SLC9A9: variants seen among roughly 807,000 people sequenced by gnomAD.
SLC9A9 encodes sodium/hydrogen exchanger 9.
Under a neutral mutation model 77.8 loss-of-function variants are expected in SLC9A9, and 62 were observed. The observed-to-expected ratio is 0.80, with a 90% CI of 0.65 to 0.98. The LOEUF (loss-of-function observed/expected upper bound fraction) is 0.98, where lower values mean the gene tolerates loss of function less well. SLC9A9 is among the 50% of genes least tolerant of loss of function. The pLI, the probability that SLC9A9 is intolerant of heterozygous loss-of-function variation, is 0.00. For synonymous variants in SLC9A9, 320 were observed against 283.5 expected, an observed-to-expected ratio of 1.13 and a Z score of -1.29; for missense variants, 775 against 774.9, an observed-to-expected ratio of 1.00 and a Z score of 0.00.
chr3:143,744,094 C>A (rs1320143014), intron 4 of SLC9A9, among the ~76,000 whole-genome samples: 3 of 152,116 alleles, frequency 2.0e-5, no homozygotes, highest in African/African-American at 7.2e-5. Context: ...TACTATGTCC[C>A]AGATACTGAT....
intron 6 of SLC9A9, among the ~76,000 whole-genome samples, chr3:143,607,513 A>G (rs2037947940): frequency 6.6e-6 from 1 of 152,140 alleles, no homozygotes. Context: ...TCATTAAAGC[A>G]TTTTAATTTA....
chr3:143,444,757 C>G (rs1214258188), intron 12 of SLC9A9, among the ~76,000 whole-genome samples: 1 of 152,148 alleles, frequency 6.6e-6, no homozygotes, highest in Non-Finnish European at 1.5e-5. Flanking sequence ...TTCCTAGTTG[C>G]TAGCTTGACT....
chr3:143,443,730 CTATCAT>C (rs1229607386), intron 12 of SLC9A9, among the ~76,000 whole-genome samples: 1 of 152,150 alleles, frequency 6.6e-6, no homozygotes, highest in African/African-American at 2.4e-5. Context: ...AGAACTTATG[CTATCAT>C]GTTTAAGTTT....
At chr3:143,437,556 A>G (rs540269020) in intron 12 of SLC9A9, among the ~76,000 whole-genome samples, 214 of 152,358 alleles carry the variant, frequency 1.4e-3, no homozygotes, top group Admixed American at 2.2e-3. Flanking sequence ...AAAACAGCTG[A>G]TATCTACTAG....
chr3:143,778,061 ATCAATGGCACTTTTTCATT>A (rs2007756044), intron 4 of SLC9A9, among the ~76,000 whole-genome samples: 1 of 151,674 alleles, frequency 6.6e-6, no homozygotes, highest in Non-Finnish European at 1.5e-5. Context: ...AAGATGCTGA[ATCAATGGCACTTTTTCATT>A]ACAGGATATA....
intron 6 of SLC9A9, among the ~76,000 whole-genome samples, chr3:143,649,593 T>A (rs2038764723): frequency 1.3e-5 from 2 of 152,184 alleles, no homozygotes; most frequent in Non-Finnish European, 2.9e-5. Flanking sequence ...AAAGCTGCTT[T>A]AATCTAAAAT....
At chr3:143,534,731 T>C (rs1576559752) in intron 9 of SLC9A9, among the ~76,000 whole-genome samples, 1 of 152,186 alleles carries the variant, frequency 6.6e-6, no homozygotes, top group East Asian at 1.9e-4. Flanking sequence ...GTGCTAGGCT[T>C]GATGTCTGGA....
intron 9 of SLC9A9, among the ~76,000 whole-genome samples, chr3:143,539,202 A>G (rs2036644911): frequency 6.6e-6 from 1 of 152,158 alleles, no homozygotes; most frequent in Non-Finnish European, 1.5e-5. Context: ...TGTAACCCAG[A>G]GCAATTGTAT....
intron 14 of SLC9A9, among the ~76,000 whole-genome samples, chr3:143,291,660 G>C (rs907585511): frequency 6.6e-6 from 1 of 152,198 alleles, no homozygotes; most frequent in Non-Finnish European, 1.5e-5. Context: ...ATAACAATCA[G>C]AACTTAAATC....
At chr3:143,362,834 C>A (rs2032787920) in intron 14 of SLC9A9, among the ~76,000 whole-genome samples, 1 of 152,184 alleles carries the variant, frequency 6.6e-6, no homozygotes, top group Non-Finnish European at 1.5e-5. Context: ...TGACTTAGCC[C>A]CACGAATCAC....
intron 1 of SLC9A9, among the ~76,000 whole-genome samples, chr3:143,845,162 A>C (rs2009805466): frequency 6.6e-6 from 1 of 152,132 alleles, no homozygotes; most frequent in Non-Finnish European, 1.5e-5. Flanking sequence ...TGGAGGTTGA[A>C]TCCCACCTCA....
intron 10 of SLC9A9, among the ~76,000 whole-genome samples, chr3:143,495,130 C>T (rs2035810957): frequency 6.6e-6 from 1 of 152,116 alleles, no homozygotes; most frequent in Non-Finnish European, 1.5e-5. Flanking sequence ...TTCCAAAGTT[C>T]TTATCTTGAA....
chr3:143,834,106 A>G (rs137903556), intron 1 of SLC9A9, among the ~76,000 whole-genome samples: 52 of 152,348 alleles, frequency 3.4e-4, no homozygotes, highest in African/African-American at 1.2e-3. Context: ...TGAGAATGCA[A>G]GCAGATTTCT....
chr3:143,725,653 G>A (rs1341666762), intron 4 of SLC9A9, among the ~76,000 whole-genome samples: 7 of 135,506 alleles, frequency 5.2e-5, no homozygotes, highest in East Asian at 2.3e-4. Flanking sequence ...ACCAAACACC[G>A]CATGTTCTCA....
chr3:143,606,400 ATCTCTCTCTCTCTCTC>A (rs746582477), intron 6 of SLC9A9, among the ~76,000 whole-genome samples: 1 of 76,446 alleles, frequency 1.3e-5, no homozygotes, highest in East Asian at 4.5e-4. Flanking sequence ...GAAAGAGTGA[ATCTCTCTCTCTCTCTC>A]TCTCTCTCTC....
At chr3:143,764,165 A>T (rs2007227216) in intron 4 of SLC9A9, among the ~76,000 whole-genome samples, 1 of 152,184 alleles carries the variant, frequency 6.6e-6, no homozygotes, top group Non-Finnish European at 1.5e-5. Context: ...CTAGTTGTTA[A>T]TTCTCATCAA....
chr3:143,372,989 G>A (rs2033091651), intron 13 of SLC9A9, among the ~76,000 whole-genome samples: 1 of 152,144 alleles, frequency 6.6e-6, no homozygotes, highest in Non-Finnish European at 1.5e-5. Context: ...AAAAGGGAAT[G>A]CTTACACACT....
chr3:143,607,837 ATGTT>A (rs1177758162), intron 6 of SLC9A9, among the ~76,000 whole-genome samples: 2 of 151,804 alleles, frequency 1.3e-5, no homozygotes, highest in African/African-American at 4.8e-5. Flanking sequence ...ATATATATAA[ATGTT>A]TGGCATGTGA....
At chr3:143,679,154 G>T (rs1932997532) in intron 5 of SLC9A9, among the ~76,000 whole-genome samples, 1 of 152,124 alleles carries the variant, frequency 6.6e-6, no homozygotes, top group South Asian at 2.1e-4. Flanking sequence ...AACAAAAACT[G>T]TTTAAGCTCT....
Sources: gnomAD v4.1 joint callset for allele counts (sites outside exome capture counted in the v4.1 genomes callset) on GRCh38, gnomAD v4.1.1 for gene constraint, MANE v1.5 for transcripts, NCBI Gene and HGNC (gene_info 2026-07-23, HGNC 2026-07-21) for gene names.